The following NSMAF variants were observed in gnomAD, a reference collection of about 807,000 sequenced individuals.
NSMAF encodes the protein neutral sphingomyelinase activation associated factor.
NSMAF carries 90 observed loss-of-function variants against 134.9 expected under a neutral mutation model. The observed-to-expected ratio is 0.67, with a 90% CI of 0.56 to 0.79. The LOEUF is 0.79. Ranked by LOEUF, NSMAF falls within the 30% of genes least tolerant of loss-of-function variation. NSMAF has a pLI of 0.00. For missense variants in NSMAF, 1,010 were observed against 1,119.0 expected (o/e 0.90, Z 1.39); for synonymous variants, 358 against 389.6 (o/e 0.92, Z 0.96).
intron 1 of NSMAF, among the ~76,000 whole-genome samples, chr8:58,654,581 T>C (rs532440409): frequency 6.6e-6 from 1 of 152,222 alleles, no homozygotes; most frequent in Non-Finnish European, 1.5e-5. Context: ...AAGTTAATAC[T>C]AGCATAATCA....
intron 6 of NSMAF, among the ~76,000 whole-genome samples, chr8:58,630,154 G>C (rs1168030094): frequency 1.3e-5 from 2 of 152,134 alleles, no homozygotes; most frequent in African/African-American, 4.8e-5. Context: ...GCTTTGATGT[G>C]GTTAGTTTCA....
At chr8:58,611,765 T>C (rs757979746) in intron 9 of NSMAF, among the ~76,000 whole-genome samples, 19 of 151,924 alleles carry the variant, frequency 1.3e-4, no homozygotes, top group African/African-American at 4.4e-4. Context: ...GAAAAAAATA[T>C]ATAGGAGTGT....
chr8:58,642,512 T>A (rs1010092289), intron 2 of NSMAF, among the ~76,000 whole-genome samples: 2 of 152,232 alleles, frequency 1.3e-5, no homozygotes, highest in Non-Finnish European at 2.9e-5. Flanking sequence ...ACTGATTTTA[T>A]ACCACTCTTG....
At chr8:58,603,628 C>T (rs920661866) in intron 12 of NSMAF, among the ~76,000 whole-genome samples, 1 of 152,154 alleles carries the variant, frequency 6.6e-6, no homozygotes, top group African/African-American at 2.4e-5. Context: ...CACAATATGA[C>T]ATAACCTAAA....
intron 2 of NSMAF, among the ~76,000 whole-genome samples, chr8:58,642,177 G>A (rs555776980): frequency 4.1e-4 from 63 of 152,276 alleles, no homozygotes; most frequent in African/African-American, 6.5e-4. Context: ...TTTTTGATCC[G>A]TTAAGGATAA....
chr8:58,647,685 C>T (rs1323183195), intron 1 of NSMAF, among the ~76,000 whole-genome samples: 1 of 152,178 alleles, frequency 6.6e-6, no homozygotes, highest in Non-Finnish European at 1.5e-5. Flanking sequence ...GATACACCTG[C>T]TCCCACTCAC....
chr8:58,653,985 T>C (rs1807644156), intron 1 of NSMAF, among the ~76,000 whole-genome samples: 1 of 152,172 alleles, frequency 6.6e-6, no homozygotes, highest in Non-Finnish European at 1.5e-5. Context: ...GAGTCTAAAT[T>C]AACCAAGAAA....
At chr8:58,655,280 A>G (rs1807677412) in intron 1 of NSMAF, among the ~76,000 whole-genome samples, 2 of 152,224 alleles carry the variant, frequency 1.3e-5, no homozygotes, top group Admixed American at 1.3e-4. Flanking sequence ...GCAAGTATCT[A>G]AACTTCTACA....
At chr8:58,636,159 C>T (rs1195730479) in intron 2 of NSMAF, among the ~76,000 whole-genome samples, 1 of 152,154 alleles carries the variant, frequency 6.6e-6, no homozygotes, top group African/African-American at 2.4e-5. Flanking sequence ...AATTTCTAAA[C>T]ATATACAAAT....
chr8:58,625,416 A>ATG (rs111516405), intron 6 of NSMAF, among the ~76,000 whole-genome samples: 1 of 150,882 alleles, frequency 6.6e-6, no homozygotes, highest in Admixed American at 6.6e-5. Context: ...GTATGTATGT[A>ATG]TATATATGTG....
At chr8:58,633,661 T>C (rs1320803532) in intron 5 of NSMAF, among the ~76,000 whole-genome samples, 1 of 152,218 alleles carries the variant, frequency 6.6e-6, no homozygotes, top group Admixed American at 6.5e-5. Context: ...GAGTCGAATC[T>C]GTTATTCATA....
At position 58,623,552 on chromosome 8, in the gene NSMAF, T is replaced by A. The variant is rs114499353; in HGVS notation, c.457-128A>T. The A allele has an allele frequency of 1.5e-4, 163 of 1,082,508 alleles. 1 individual carries two copies. In the African/African-American group the frequency reaches 2.3e-3, roughly 16 times the overall value. The allele number at this position is 1,082,508 out of a possible 1,614,324, so 67.1% of individuals were successfully genotyped here. A position where few individuals can be genotyped will look rare whatever the true frequency, so the allele number is the denominator to read the frequency against. On this transcript the variant is annotated intron_variant, in intron 7 of 30. Coordinates refer to ENST00000038176, the MANE Select transcript of NSMAF (RefSeq NM_003580.4). ...GATTACTTCTGATATACCTATGGCT[T>A]CTTCCTAATATATAGTTTTTAAACT... is the stretch of plus-strand genomic sequence containing the variant.
Position 58,631,220 on chromosome 8 carries a change from A to G in NSMAF, c.384+276T>C, listed in dbSNP as rs1807049884. 12 of 252,410 alleles carry G rather than the reference A, an allele frequency of 4.8e-5. 1 individual carries two copies. In the South Asian group the frequency reaches 9.4e-4, roughly 20 times the overall value. 15.6% of individuals were successfully genotyped at this position (252,410 alleles called of 1,614,324 possible). ...AATTCTCAGTAACACCCAGTAAATA[A>G]TCTTATAAATAATGCATATTCTGAT... On this transcript the variant is annotated intron_variant, in intron 6 of 30. Transcript: ENST00000038176.
rs528423893 is a variant in NSMAF, at chr8:58,584,190, T to C, written c.2670A>G (p.Thr890=). The C allele has an allele frequency of 6.2e-6, 10 of 1,613,076 alleles. No individual in the cohort carries two copies. The highest frequency in any genetic ancestry group is 3.3e-5 in the South Asian group (3 of 90,954). ...ERIQGHTGAV[T]CIWMNEQCSS... ...TACACTGTTCATTCATCCATATACA[T>C]GTCACAGCACCTGAGAGAAAGACAT... Residue 890 remains threonine, a synonymous_variant, in exon 31 of 31, where the codon ACA becomes ACG. Coordinates refer to ENST00000038176, the MANE Select transcript of NSMAF (RefSeq NM_003580.4).
In NSMAF at chr8:58,597,915, T is replaced by C; in HGVS notation, c.1586-13A>G. On this transcript the variant is annotated splice_polypyrimidine_tract_variant and intron_variant, in intron 19 of 30. Transcript: ENST00000038176. ...AGGGGATGAAATACTGAAAAAGACA[T>C]ACAAAACACTATTGAAAGATGTGCT... is the stretch of plus-strand genomic sequence containing the variant. The C allele has an allele frequency of 1.3e-6, 2 of 1,589,070 alleles. No individual in the cohort carries two copies. Among genetic ancestry groups the C allele is most frequent in the Middle Eastern group, 1.7e-4 (1 of 5,998 alleles).
At chr8:58,607,293 A>G (rs1806431497) in intron 11 of NSMAF, among the ~76,000 whole-genome samples, 1 of 152,258 alleles carries the variant, frequency 6.6e-6, no homozygotes, top group Non-Finnish European at 1.5e-5. Context: ...AACTGCCTAT[A>G]TGATTTTACA....
At chr8:58,639,477 A>G (rs1807280831) in intron 2 of NSMAF, among the ~76,000 whole-genome samples, 1 of 152,240 alleles carries the variant, frequency 6.6e-6, no homozygotes. Flanking sequence ...GAGCGTGGAG[A>G]AAAGAGAACC....
Position 58,607,855 on chromosome 8 carries a change from A to G in NSMAF, c.688-15T>C. The G allele has an allele frequency of 6.2e-7, 1 of 1,601,518 alleles. No homozygotes were observed. The highest frequency in any genetic ancestry group is 1.1e-5 in the South Asian group (1 of 90,844). ...ACCACAGGTTTCTTTAAAAGTAGAA[A>G]GACAATCTCAAACATTATTGTTCTG... On this transcript the variant is annotated splice_polypyrimidine_tract_variant and intron_variant, in intron 10 of 30. Transcript: ENST00000038176.
chr8:58,628,139 G>A (rs1011046366), intron 6 of NSMAF, among the ~76,000 whole-genome samples: 1 of 152,144 alleles, frequency 6.6e-6, no homozygotes, highest in African/African-American at 2.4e-5. Flanking sequence ...GTGGGGAAAG[G>A]ACACCCTATT....
Sources: allele counts gnomAD v4.1 joint callset (sites outside exome capture counted in the v4.1 genomes callset), GRCh38; gene constraint gnomAD v4.1.1; transcripts MANE v1.5; gene names NCBI Gene and HGNC (gene_info 2026-07-23, HGNC 2026-07-21).